CCSER1: variants seen among roughly 807,000 people sequenced by gnomAD.
CCSER1 encodes the protein serine-rich coiled-coil domain-containing protein 1.
CCSER1 carries 41 observed loss-of-function variants against 82.0 expected under a neutral mutation model. The observed-to-expected ratio is 0.50, with a 90% CI of 0.39 to 0.65. The LOEUF is 0.65. Ranked by LOEUF, CCSER1 falls within the 30% of genes least tolerant of loss-of-function variation. The pLI is 0.00. For missense variants in CCSER1, 1,119 were observed against 1,064.2 expected (o/e 1.05, Z -0.72); for synonymous variants, 414 against 383.9 (o/e 1.08, Z -0.92).
chr4:90,798,599 TTG>T (rs1425576275), intron 7 of CCSER1, among the ~76,000 whole-genome samples: 1 of 152,212 alleles, frequency 6.6e-6, no homozygotes, highest in Non-Finnish European at 1.5e-5. Flanking sequence ...TATTTCATCT[TTG>T]TGGGCTTATC....
At chr4:90,840,049 C>T (rs542420083) in intron 8 of CCSER1, among the ~76,000 whole-genome samples, 3 of 151,462 alleles carry the variant, frequency 2.0e-5, no homozygotes, top group Non-Finnish European at 4.4e-5. Flanking sequence ...TTATATAATC[C>T]ATATAACATA....
At chr4:91,541,760 G>A (rs1367565863) in intron 10 of CCSER1, among the ~76,000 whole-genome samples, 1 of 152,048 alleles carries the variant, frequency 6.6e-6, no homozygotes, top group Non-Finnish European at 1.5e-5. Flanking sequence ...GGATGGTTGG[G>A]TCAAATGGTA....
At chr4:91,481,282 A>G (rs370968353) in intron 10 of CCSER1, among the ~76,000 whole-genome samples, 2 of 152,222 alleles carry the variant, frequency 1.3e-5, no homozygotes, top group South Asian at 2.1e-4. Context: ...TTATAAGTCC[A>G]AGATCAAAGC....
chr4:90,471,956 G>A (rs907914036), intron 5 of CCSER1, among the ~76,000 whole-genome samples: 1 of 151,364 alleles, frequency 6.6e-6, no homozygotes, highest in African/African-American at 2.4e-5. Flanking sequence ...CAGTCTGGGT[G>A]ACAAGAGCAA....
chr4:90,420,342 A>G (rs1327802897), intron 4 of CCSER1, among the ~76,000 whole-genome samples: 2 of 152,052 alleles, frequency 1.3e-5, no homozygotes, highest in African/African-American at 4.8e-5. Flanking sequence ...TAATGTTCTA[A>G]CTGGGAGAGA....
chr4:91,189,223 C>T (rs1355059606), intron 10 of CCSER1, among the ~76,000 whole-genome samples: 6 of 151,994 alleles, frequency 3.9e-5, no homozygotes, highest in Non-Finnish European at 7.4e-5. Context: ...TACAATTTGT[C>T]TTCATCATCA....
intron 10 of CCSER1, among the ~76,000 whole-genome samples, chr4:91,425,673 CTAAAA>C (rs1218498094): frequency 6.6e-6 from 1 of 151,740 alleles, no homozygotes; most frequent in East Asian, 1.9e-4. Context: ...CATTGGGTAT[CTAAAA>C]TAATCAGTCA....
chr4:90,609,381 T>G (rs1785156739), intron 5 of CCSER1, among the ~76,000 whole-genome samples: 1 of 152,182 alleles, frequency 6.6e-6, no homozygotes, highest in Non-Finnish European at 1.5e-5. Flanking sequence ...TGTATTCATA[T>G]TTAAATATGC....
At chr4:90,947,171 A>G (rs1732355248) in intron 9 of CCSER1, among the ~76,000 whole-genome samples, 1 of 152,222 alleles carries the variant, frequency 6.6e-6, no homozygotes, top group Non-Finnish European at 1.5e-5. Context: ...GGAGGAGCAA[A>G]TCAACATATG....
At chr4:91,065,644 T>C (rs995774567) in intron 9 of CCSER1, among the ~76,000 whole-genome samples, 8 of 152,128 alleles carry the variant, frequency 5.3e-5, no homozygotes, top group African/African-American at 1.2e-4. Flanking sequence ...TAAAGGACAA[T>C]AAAAAAATTA....
intron 3 of CCSER1, among the ~76,000 whole-genome samples, chr4:90,324,905 C>T (rs1737858435): frequency 1.3e-5 from 2 of 152,152 alleles, no homozygotes; most frequent in Non-Finnish European, 2.9e-5. Context: ...CCAGTTTTCC[C>T]AGCACCATTT....
intron 4 of CCSER1, among the ~76,000 whole-genome samples, chr4:90,411,371 C>T (rs1213367597): frequency 1.3e-5 from 2 of 152,254 alleles, no homozygotes; most frequent in East Asian, 1.9e-4. Flanking sequence ...TGCAAAAATC[C>T]TCAATAAAAT....
intron 5 of CCSER1, among the ~76,000 whole-genome samples, chr4:90,512,602 T>G (rs1295097509): frequency 6.6e-6 from 1 of 152,194 alleles, no homozygotes; most frequent in Non-Finnish European, 1.5e-5. Flanking sequence ...ATGTTAATTT[T>G]AGCAATAATT....
At chr4:90,798,910 A>G (rs1427892157) in intron 7 of CCSER1, among the ~76,000 whole-genome samples, 1 of 152,192 alleles carries the variant, frequency 6.6e-6, no homozygotes, top group Non-Finnish European at 1.5e-5. Context: ...ACCACAGGTC[A>G]CAACACTCTG....
chr4:91,087,935 T>C (rs1417559759), intron 10 of CCSER1, among the ~76,000 whole-genome samples: 1 of 152,140 alleles, frequency 6.6e-6, no homozygotes. Context: ...GTGAAGTATG[T>C]TGTAAAAACT....
chr4:91,366,182 G>A (rs948706086), intron 10 of CCSER1, among the ~76,000 whole-genome samples: 1 of 151,960 alleles, frequency 6.6e-6, no homozygotes, highest in African/African-American at 2.4e-5. Flanking sequence ...TCCACGCCCA[G>A]CTAATTTTTT....
chr4:91,033,863 G>A (rs1055578268), intron 9 of CCSER1, among the ~76,000 whole-genome samples: 1 of 152,104 alleles, frequency 6.6e-6, no homozygotes, highest in Non-Finnish European at 1.5e-5. Context: ...CTAAATATAA[G>A]GAATATAATG....
intron 10 of CCSER1, among the ~76,000 whole-genome samples, chr4:91,311,431 AT>A (rs1015898865): frequency 6.6e-6 from 1 of 151,882 alleles, no homozygotes; most frequent in Non-Finnish European, 1.5e-5. Flanking sequence ...TTTGACATAG[AT>A]TTTTTTCCTA....
At position 91,078,307 on chromosome 4, in the gene CCSER1, C is replaced by A. The variant is rs185960764; in HGVS notation, c.2173-7643C>A. On this transcript the variant is annotated intron_variant, in intron 9 of 10. Coordinates refer to ENST00000509176, the MANE Select transcript of CCSER1 (RefSeq NM_001145065.2). The stretch of plus-strand genomic sequence containing the variant: ...GCAGCCTCCGCAGGTGATACCCAGG[C>A]AAACAGGGTCTGGAGTGGACTTCCA... Among the ~76,000 whole-genome samples, 435 of 152,226 alleles carry A rather than the reference C, an allele frequency of 2.9e-3. 4 individuals are homozygous for A. The highest frequency in any genetic ancestry group is 0.01 in the African/African-American group (415 of 41,476).
Sources: allele counts gnomAD v4.1 joint callset (sites outside exome capture counted in the v4.1 genomes callset), GRCh38; gene constraint gnomAD v4.1.1; transcripts MANE v1.5; gene names NCBI Gene and HGNC (gene_info 2026-07-23, HGNC 2026-07-21).